Variants in WDPCP observed in about 807,000 individuals in gnomAD.
WDPCP encodes the protein WD repeat containing planar cell polarity effector, also known as WD repeat-containing and planar cell polarity effector protein fritz homolog.
In WDPCP, 71 loss-of-function variants were observed where a neutral mutation model predicts 93.1. That is an observed-to-expected ratio of 0.76 (90% CI 0.63 to 0.93). The LOEUF (loss-of-function observed/expected upper bound fraction) is 0.93. Ranked by LOEUF, WDPCP falls within the 40% of genes least tolerant of loss-of-function variation. The pLI is 0.00. For synonymous variants in WDPCP, 315 were observed against 315.0 expected, an observed-to-expected ratio of 1.00 and a Z score of 0.00; for missense variants, 844 against 887.4, an observed-to-expected ratio of 0.95 and a Z score of 0.62.
chr2:63,635,211 A>C (rs975236948), intron 3 of WDPCP, among the ~76,000 whole-genome samples: 1 of 152,108 alleles, frequency 6.6e-6, no homozygotes, highest in African/African-American at 2.4e-5. Context: ...AAATAATAAG[A>C]ACATTGAATC....
chr2:63,638,643 A>T (rs574859861), intron 3 of WDPCP, among the ~76,000 whole-genome samples: 2 of 152,124 alleles, frequency 1.3e-5, no homozygotes, highest in African/African-American at 4.8e-5. Flanking sequence ...TAAAAAATTG[A>T]CTAGGTATGG....
chr2:63,356,338 C>T (rs1690020915), intron 12 of WDPCP, among the ~76,000 whole-genome samples: 1 of 152,154 alleles, frequency 6.6e-6, no homozygotes, highest in South Asian at 2.1e-4. Flanking sequence ...TGGGACACTT[C>T]AACACTCCAC....
intron 6 of WDPCP, among the ~76,000 whole-genome samples, chr2:63,445,340 T>C: frequency 6.6e-6 from 1 of 152,168 alleles, no homozygotes; most frequent in East Asian, 1.9e-4. Context: ...CAGTGGGATT[T>C]CCCAAAGATT....
At chr2:63,307,768 A>G (rs1432533882) in intron 13 of WDPCP, among the ~76,000 whole-genome samples, 1 of 152,214 alleles carries the variant, frequency 6.6e-6, no homozygotes, top group African/African-American at 2.4e-5. Context: ...AAACCATAAA[A>G]ACCCTAGAAG....
chr2:63,177,721 A>G (rs1333115772), intron 14 of WDPCP, among the ~76,000 whole-genome samples: 2 of 152,068 alleles, frequency 1.3e-5, no homozygotes, highest in Admixed American at 6.6e-5. Context: ...TTTCACTTGC[A>G]TAATTGCTTT....
At chr2:63,556,170 G>A (rs1706103909) in intron 1 of WDPCP, among the ~76,000 whole-genome samples, 1 of 152,180 alleles carries the variant, frequency 6.6e-6, no homozygotes, top group South Asian at 2.1e-4. Flanking sequence ...TGATGGAGCT[G>A]AAAAACGTAA....
At chr2:63,743,668 A>G (rs1057510937) in intron 2 of WDPCP, among the ~76,000 whole-genome samples, 3 of 152,152 alleles carry the variant, frequency 2.0e-5, no homozygotes, top group African/African-American at 7.2e-5. Context: ...GGCCATGTGC[A>G]CAGTTGAGCA....
chr2:63,212,743 C>T (rs993168579), intron 14 of WDPCP, among the ~76,000 whole-genome samples: 1 of 149,500 alleles, frequency 6.7e-6, no homozygotes, highest in Non-Finnish European at 1.5e-5. Context: ...CAGAGACACA[C>T]ATAGCCTGAA....
intron 2 of WDPCP, among the ~76,000 whole-genome samples, chr2:63,789,511 C>T (rs1173263249): frequency 6.6e-6 from 1 of 152,172 alleles, no homozygotes; most frequent in African/African-American, 2.4e-5. Context: ...AGTTCTTTAG[C>T]ATATCCAGCC....
chr2:63,475,574 G>A (rs1283282098), intron 6 of WDPCP, among the ~76,000 whole-genome samples: 1 of 151,878 alleles, frequency 6.6e-6, no homozygotes, highest in African/African-American at 2.4e-5. Context: ...CTAACATAAA[G>A]ATGGGTTTCT....
intron 3 of WDPCP, among the ~76,000 whole-genome samples, chr2:63,628,257 T>C (rs1709831020): frequency 6.6e-6 from 1 of 152,232 alleles, no homozygotes; most frequent in Non-Finnish European, 1.5e-5. Flanking sequence ...TTCTATTTTA[T>C]AGCGATAAAA....
In WDPCP at chr2:63,621,258, C is replaced by T. The variant is rs536237973; in HGVS notation, n.488+29401G>A. Among the ~76,000 whole-genome samples, 3 of 151,964 alleles carry T rather than the reference C, an allele frequency of 2.0e-5. No homozygotes were observed. In the South Asian group the frequency reaches 6.2e-4, roughly 32 times the overall value. ...TAAAGGAGCACATTCTAACCCAAGG[C>T]AAGAAAGCTAAGAACCTTGAAAAAA... On this transcript the variant is annotated intron_variant and non_coding_transcript_variant, in intron 3 of 4. Transcript: ENST00000467687.
rs139878372 is a variant in WDPCP, at chr2:63,121,380, CTTTTTTTTTTTTTT to C, written c.*612_*625del. 6.9e-5 allele frequency: 6 copies of C among 87,320 alleles called. No homozygotes were observed. The highest frequency in any genetic ancestry group is 3.2e-4 in the East Asian group (1 of 3,114). The allele number at this position is 87,320 out of a possible 1,614,324, so 5.4% of individuals were successfully genotyped here. A position where few individuals can be genotyped will look rare whatever the true frequency, so the allele number is the denominator to read the frequency against. On this transcript the variant is annotated 3_prime_UTR_variant, in exon 18 of 18. Coordinates refer to ENST00000272321, the MANE Select transcript of WDPCP (RefSeq NM_015910.7). ...AGGACTTTCTTTCTTTCTTTTCTTT[CTTTTTTTTTTTTTT>C]TTTTTTTGGAGACAGGGTCACTCTC... is the stretch of plus-strand genomic sequence containing the variant.
chr2:63,627,395 C>G (rs1167248905), intron 3 of WDPCP, among the ~76,000 whole-genome samples: 1 of 152,164 alleles, frequency 6.6e-6, no homozygotes, highest in Non-Finnish European at 1.5e-5. Flanking sequence ...ATGATAAAGA[C>G]AGGAGGCAGA....
chr2:63,260,217 G>C (rs780604267), intron 13 of WDPCP, among the ~76,000 whole-genome samples: 2 of 152,178 alleles, frequency 1.3e-5, no homozygotes, highest in African/African-American at 2.4e-5. Context: ...AAGGAGTGTT[G>C]GATGTGTGGG....
At chr2:63,604,162 C>A (rs1709483766) in intron 3 of WDPCP, among the ~76,000 whole-genome samples, 1 of 152,186 alleles carries the variant, frequency 6.6e-6, no homozygotes, top group Admixed American at 6.5e-5. Context: ...AAAATGAGGA[C>A]AGTCATATCT....
intron 15 of WDPCP, among the ~76,000 whole-genome samples, chr2:63,167,071 AT>A (rs1307609218): frequency 6.6e-6 from 1 of 152,166 alleles, no homozygotes; most frequent in Non-Finnish European, 1.5e-5. Context: ...TGCCTGGCTT[AT>A]TTCACTTAAC....
intron 2 of WDPCP, among the ~76,000 whole-genome samples, chr2:63,747,148 C>T: frequency 6.6e-6 from 1 of 152,084 alleles, no homozygotes; most frequent in African/African-American, 2.4e-5. Context: ...GTCATTTTCC[C>T]ACTGATTTGT....
At chr2:63,486,649 T>TACAAG in intron 3 of WDPCP, 63 bp from the exon 4 acceptor site, 2 of 1,377,936 alleles carry the variant, frequency 1.5e-6, no homozygotes, top group Non-Finnish European at 1.0e-6. Flanking sequence ...TTTATTATAA[T>TACAAG]GCCTTGTATT....
Sources: allele counts gnomAD v4.1 joint callset (sites outside exome capture counted in the v4.1 genomes callset), GRCh38; gene constraint gnomAD v4.1.1; transcripts MANE v1.5; gene names NCBI Gene and HGNC (gene_info 2026-07-23, HGNC 2026-07-21).